Variants in FAM50B observed in about 807,000 individuals in gnomAD.
The protein encoded by FAM50B is family with sequence similarity 50 member B.
FAM50B carries 9 observed loss-of-function variants against 25.4 expected under a neutral mutation model. The observed-to-expected ratio is 0.35, with a 90% CI of 0.21 to 0.62. FAM50B has a LOEUF of 0.62. FAM50B is among the 20% of genes least tolerant of loss of function. The pLI, the probability that FAM50B is intolerant of heterozygous loss-of-function variation, is 0.73. For missense variants in FAM50B, 372 were observed against 477.9 expected, an observed-to-expected ratio of 0.78 and a Z score of 2.07; for synonymous variants, 212 against 204.3, an observed-to-expected ratio of 1.04 and a Z score of -0.32.
chr6:3,834,639 T>C, the FAM50B span, among the ~76,000 whole-genome samples: 1 of 152,150 alleles, frequency 6.6e-6, no homozygotes. Context: ...TTCTAGGCAC[T>C]ATAAGAATTA....
chr6:3,842,749 C>T, the FAM50B span, among the ~76,000 whole-genome samples: 3 of 152,196 alleles, frequency 2.0e-5, no homozygotes, highest in African/African-American at 7.2e-5. Context: ...GGTGAAAACA[C>T]CCCATAATTT....
Position 3,851,027 on chromosome 6 carries a change from A to G in FAM50B, c.*238A>G. 1 of 601,530 alleles carries G rather than the reference A, an allele frequency of 1.7e-6. No individual in the cohort carries two copies. The highest frequency in any genetic ancestry group is 2.9e-6 in the Non-Finnish European group (1 of 348,570). The allele number at this position is 601,530 out of a possible 1,614,324, so 37.3% of individuals were successfully genotyped here. A position where few individuals can be genotyped will look rare whatever the true frequency, so the allele number is the denominator to read the frequency against. On this transcript the variant is annotated 3_prime_UTR_variant, in exon 2 of 2. Transcript: ENST00000648326. ...TTGCTGCATTGCTCTGCTGAGCTGT[A>G]TTGAAACCATGACTGGGCCCACTGT...
Position 3,850,692 on chromosome 6 carries a change from T to G in FAM50B, c.881T>G (p.Leu294Arg), listed in dbSNP as rs753623397. ...GAGTCGCACGCGGGCAAGGTGGTGC[T>G]GCGCAGCTGGTACGAGAAGAACAAG... Reference protein sequence around the residue: ...KDESHAGKVVLRSWYEKNKHI... With the variant: ...KDESHAGKVVRRSWYEKNKHI... Residue 294 changes from leucine (L) to arginine (R), a missense_variant, in exon 2 of 2, where the codon CTG (leucine) becomes CGG (arginine). Physicochemically the swap from Leu to Arg is moderately radical, Grantham distance 102. Coordinates refer to ENST00000648326, the MANE Select transcript of FAM50B (RefSeq NM_012135.3). 9 of 1,614,068 alleles carry G rather than the reference T, an allele frequency of 5.6e-6. No homozygotes were observed. The East Asian group carries it at 2.0e-4, about 36-fold the overall frequency.
upstream of FAM50B, among the ~76,000 whole-genome samples, chr6:3,846,434 T>G (rs141919581): frequency 9.3e-4 from 142 of 152,362 alleles, no homozygotes; most frequent in African/African-American, 3.2e-3. Flanking sequence ...ATGCTAATGA[T>G]CCTCTGAGCA....
At chr6:3,842,704 C>T in the FAM50B span, among the ~76,000 whole-genome samples, 10 of 152,330 alleles carry the variant, frequency 6.6e-5, no homozygotes, top group Admixed American at 1.3e-4. Flanking sequence ...GTGGGACACT[C>T]GCTACCTTCA....
At position 3,850,197 on chromosome 6, in the gene FAM50B, A is replaced by C; in HGVS notation, c.386A>C (p.Asp129Ala). The C allele has an allele frequency of 1.2e-6, 2 of 1,613,394 alleles. No individual in the cohort carries two copies. The highest frequency in any genetic ancestry group is 8.5e-7 in the Non-Finnish European group (1 of 1,179,882). Residue 129 changes from aspartate (D) to alanine (A), a missense_variant, in exon 2 of 2, where the codon GAC becomes GCC. Coordinates refer to ENST00000648326, the MANE Select transcript of FAM50B (RefSeq NM_012135.3). ...TCCTTTGCACTAGACGACCTCGATG[A>C]CCAGGCCGACGCGGCCGAGGCCAGG... ...CLSFALDDLD[D>A]QADAAEARRA...
chr6:3,836,054 A>G, the FAM50B span, among the ~76,000 whole-genome samples: 4 of 152,018 alleles, frequency 2.6e-5, no homozygotes, highest in African/African-American at 9.7e-5. Flanking sequence ...CATATTATCA[A>G]TGTGATATTT....
At chr6:3,839,035 G>A in the FAM50B span, among the ~76,000 whole-genome samples, 1 of 151,834 alleles carries the variant, frequency 6.6e-6, no homozygotes, top group East Asian at 1.9e-4. Flanking sequence ...ATGCATCAGA[G>A]TCAGTTTGTG....
Position 3,850,660 on chromosome 6 carries a change from G to A in FAM50B, c.849G>A (p.Glu283=). ...GCCTGCTCAGCGACGCCACCATGGA[G>A]AAGGACGAGTCGCACGCGGGCAAGG... The part of the protein sequence containing the change: ...DVRLLSDATM[E]KDESHAGKVV... Residue 283 remains glutamate (E), a synonymous_variant, in exon 2 of 2, where the codon GAG becomes GAA. Coordinates refer to ENST00000648326, the MANE Select transcript of FAM50B (RefSeq NM_012135.3). 6.2e-7 allele frequency: 1 copy of A among 1,614,160 alleles called. No individual in the cohort carries two copies. The highest frequency in any genetic ancestry group is 2.2e-5 in the East Asian group (1 of 44,872).
rs1033528223 is a variant in FAM50B, at chr6:3,850,494, G to A, written c.683G>A (p.Arg228His). 1 of 1,613,508 alleles carries A rather than the reference G, an allele frequency of 6.2e-7. No homozygotes were observed. Among genetic ancestry groups the A allele is most frequent in the Non-Finnish European group, 8.5e-7 (1 of 1,180,040 alleles). ...CTGCGCAAGGACTTCCTGGAGCTGC[G>A]CTCCGCCGGCGTGGAGCAGCTCATG... ...QGLRKDFLEL[R>H]SAGVEQLMFI... The change falls in exon 2 of 2, where the codon CGC becomes CAC. Residue 228 changes from arginine to histidine, a missense_variant. By Grantham distance (29) the Arg-to-His change is conservative (BLOSUM62 0). Around this residue, in one of 4 missense-constraint regions of FAM50B, gnomAD observed 224 missense variants for 232.2 expected, o/e 0.96. Coordinates refer to ENST00000648326, the MANE Select transcript of FAM50B (RefSeq NM_012135.3).
upstream of FAM50B, among the ~76,000 whole-genome samples, chr6:3,847,648 A>G (rs1204673705): frequency 2.0e-5 from 3 of 152,230 alleles, no homozygotes; most frequent in African/African-American, 7.2e-5. Flanking sequence ...TTTACCAGGA[A>G]AGCGCTTTCA....
chr6:3,837,845 C>T, the FAM50B span, among the ~76,000 whole-genome samples: 1 of 152,176 alleles, frequency 6.6e-6, no homozygotes, highest in African/African-American at 2.4e-5. Context: ...CCCATTAATC[C>T]ATTAGCCCAT....
the FAM50B span, among the ~76,000 whole-genome samples, chr6:3,834,225 T>C: frequency 3.3e-5 from 5 of 151,960 alleles, no homozygotes; most frequent in African/African-American, 1.2e-4. Context: ...AGTGAGAATA[T>C]GATATATTCT....
upstream of FAM50B, among the ~76,000 whole-genome samples, chr6:3,848,142 A>T (rs905574848): frequency 4.6e-5 from 7 of 152,284 alleles, no homozygotes; most frequent in Admixed American, 2.0e-4. Context: ...AAGTGAGCAC[A>T]TGCTGCTGGA....
chr6:3,849,838 C>T lies in FAM50B; in HGVS notation c.27C>T (p.Arg9=). The change falls in exon 2 of 2, where the codon CGC becomes CGT. Residue 9 remains arginine, a synonymous_variant. Coordinates refer to ENST00000648326, the MANE Select transcript of FAM50B (RefSeq NM_012135.3). MAQYKGTM[R]EAGRAMHLLK... The stretch of plus-strand genomic sequence containing the variant: ...TGGCGCAGTACAAGGGCACCATGCG[C>T]GAGGCAGGCCGTGCCATGCACCTCC... 6.2e-7 allele frequency: 1 copy of T among 1,611,916 alleles called. No individual in the cohort carries two copies.
chr6:3,846,017 G>A (rs1466477845), upstream of FAM50B, among the ~76,000 whole-genome samples: 2 of 152,124 alleles, frequency 1.3e-5, no homozygotes, highest in African/African-American at 2.4e-5. Flanking sequence ...CACTGCGCCT[G>A]GCCTGAAAGG....
chr6:3,847,671 A>AT (rs1305407441), upstream of FAM50B, among the ~76,000 whole-genome samples: 1 of 152,158 alleles, frequency 6.6e-6, no homozygotes, highest in Non-Finnish European at 1.5e-5. Context: ...TTCATTCAAG[A>AT]TTTTTTTCCT....
At chr6:3,836,439 T>G in the FAM50B span, among the ~76,000 whole-genome samples, 1 of 152,238 alleles carries the variant, frequency 6.6e-6, no homozygotes, top group Non-Finnish European at 1.5e-5. Flanking sequence ...ACATTTCATC[T>G]GCCCCTGGAA....
chr6:3,846,219 G>C (rs1453281311), upstream of FAM50B, among the ~76,000 whole-genome samples: 2 of 152,156 alleles, frequency 1.3e-5, no homozygotes, highest in African/African-American at 4.8e-5. Context: ...ATAGAAGTTA[G>C]ACAAGAACAA....
Sources: gnomAD v4.1 joint callset for allele counts (sites outside exome capture counted in the v4.1 genomes callset) on GRCh38, gnomAD v4.1.1 for gene constraint, gnomAD v4.1.1 regional missense constraint, MANE v1.5 for transcripts, NCBI Gene and HGNC (gene_info 2026-07-23, HGNC 2026-07-21) for gene names.